Variants in ZNF420 observed in about 807,000 individuals in gnomAD.
The protein encoded by ZNF420 is ATM and p53-associated KZNF protein.
A neutral mutation model predicts 44.7 loss-of-function variants in ZNF420; 31 were observed. The ratio of observed to expected loss-of-function variants is 0.69; its 90% CI spans 0.52 to 0.94. The LOEUF is 0.94. ZNF420 is among the 40% of genes least tolerant of loss of function. The pLI is 0.00. For missense variants in ZNF420, 681 were observed against 827.9 expected (o/e 0.82, Z 2.18); for synonymous variants, 245 against 267.4 (o/e 0.92, Z 0.82).
At chr19:37,124,560 A>G (rs778253036) in intron 4 of ZNF420, among the ~76,000 whole-genome samples, 5 of 152,240 alleles carry the variant, frequency 3.3e-5, no homozygotes, top group African/African-American at 7.2e-5. Context: ...CACTCTCAGC[A>G]ACAGTATTTG....
At chr19:37,041,149 C>T (rs752088325) in intron 1 of ZNF420, among the ~76,000 whole-genome samples, 5 of 151,862 alleles carry the variant, frequency 3.3e-5, no homozygotes, top group Non-Finnish European at 7.4e-5. Context: ...CATGGCGAAA[C>T]CCCATCTCTA....
In ZNF420 at chr19:37,116,530, C is replaced by T. The variant is rs552959218; in HGVS notation, c.137-10598C>T. 2.2e-3 allele frequency among the ~76,000 whole-genome samples: 329 copies of T among 152,234 alleles called. 1 individual carries two copies. Among genetic ancestry groups the T allele is most frequent in the Non-Finnish European group, 3.6e-3 (245 of 68,024 alleles). ...GGTCTACAGCTCCCAGCATGAACGACGCAGAAGACGGGTGATTTCTGCATT... is the reference window on the plus strand; with the variant it reads ...GGTCTACAGCTCCCAGCATGAACGATGCAGAAGACGGGTGATTTCTGCATT... On this transcript the variant is annotated intron_variant, in intron 4 of 4. Transcript: ENST00000337995.
chr19:37,070,512 A>G (rs1291871450), intron 1 of ZNF420, among the ~76,000 whole-genome samples: 1 of 152,256 alleles, frequency 6.6e-6, no homozygotes, highest in Non-Finnish European at 1.5e-5. Context: ...TTCAACACAT[A>G]TAGTTGATAC....
intron 1 of ZNF420, among the ~76,000 whole-genome samples, chr19:37,027,090 A>G (rs565222322): frequency 2.9e-4 from 44 of 152,314 alleles, no homozygotes; most frequent in African/African-American, 8.7e-4. Flanking sequence ...CAACATTTGG[A>G]ATTTACCAAT....
At chr19:37,064,438 C>T (rs1041514041) in intron 1 of ZNF420, among the ~76,000 whole-genome samples, 1 of 152,050 alleles carries the variant, frequency 6.6e-6, no homozygotes, top group African/African-American at 2.4e-5. Context: ...TTAACAGGTT[C>T]CTATCATTCT....
rs1568481681 is a variant in ZNF420 at position 37,127,510 on chromosome 19, GA to G, written c.521del (p.Lys174ArgfsTer177). 6.8e-6 allele frequency: 11 copies of G among 1,613,888 alleles called. No homozygotes were observed. The highest frequency in any genetic ancestry group is 9.3e-6 in the Non-Finnish European group (11 of 1,179,854). On this transcript the variant is annotated frameshift_variant, in exon 5 of 5. Coordinates refer to ENST00000337995, the MANE Select transcript of ZNF420 (RefSeq NM_144689.5). LOFTEE classifies it low-confidence loss of function (END_TRUNC). ...EKPYECKQCG[K>X]AFSRDSQLSL... is the part of the protein sequence containing the mutation. ...AACCCTATGAATGTAAGCAATGCGG[GA>G]AGGCCTTTAGTCGTGATTCACAACT...
upstream of ZNF420, among the ~76,000 whole-genome samples, chr19:37,075,716 C>T (rs945526333): frequency 2.6e-5 from 4 of 151,806 alleles, no homozygotes; most frequent in African/African-American, 7.3e-5. Flanking sequence ...CACTCCAGCC[C>T]GGGCGACAGA....
intron 4 of ZNF420, among the ~76,000 whole-genome samples, chr19:37,117,395 C>T (rs1970756995): frequency 6.6e-6 from 1 of 152,204 alleles, no homozygotes; most frequent in African/African-American, 2.4e-5. Context: ...CTCCAACAGA[C>T]CTGCAGGCGA....
At chr19:37,087,620 G>C (rs2385375) in intron 2 of ZNF420, among the ~76,000 whole-genome samples, 85,027 of 151,982 alleles carry the variant, frequency 0.56, 25,282 homozygotes, top group African/African-American at 0.75. Context: ...GTTAAAGTAA[G>C]TGGGTTGAGG....
intron 1 of ZNF420, among the ~76,000 whole-genome samples, chr19:37,021,936 C>CAAAAAAA (rs60559933): frequency 4.3e-4 from 36 of 84,586 alleles, no homozygotes; most frequent in East Asian, 2.0e-3. Context: ...CAGTCTGTCT[C>CAAAAAAA]AAAAAAAAAA....
At chr19:37,088,335 T>A (rs1007159741) in intron 2 of ZNF420, among the ~76,000 whole-genome samples, 1 of 152,244 alleles carries the variant, frequency 6.6e-6, no homozygotes, top group Non-Finnish European at 1.5e-5. Context: ...TTGCTGAATT[T>A]ATCTACTTTC....
chr19:37,106,888 A>G (rs1322177263), intron 4 of ZNF420: 1 of 152,078 alleles, frequency 6.6e-6, no homozygotes, highest in Non-Finnish European at 1.5e-5. Flanking sequence ...AAACATGTAA[A>G]CAAAAGTCTC....
At chr19:37,087,303 AAAT>A (rs1330902033) in intron 2 of ZNF420, among the ~76,000 whole-genome samples, 1 of 128,624 alleles carries the variant, frequency 7.8e-6, no homozygotes, top group Non-Finnish European at 1.6e-5. Context: ...ATAAATAAAT[AAAT>A]AAATAAATAA....
intron 1 of ZNF420, among the ~76,000 whole-genome samples, chr19:37,034,200 G>A (rs1967313602): frequency 6.6e-6 from 1 of 151,794 alleles, no homozygotes; most frequent in African/African-American, 2.4e-5. Flanking sequence ...TTTTTTTGAT[G>A]ATTGACATCC....
chr19:37,021,674 C>T (rs1458737047), intron 1 of ZNF420, among the ~76,000 whole-genome samples: 8 of 151,978 alleles, frequency 5.3e-5, no homozygotes, highest in Non-Finnish European at 4.4e-5. Flanking sequence ...AGCAGTGGCT[C>T]ACACCTGTAA....
intron 4 of ZNF420, among the ~76,000 whole-genome samples, chr19:37,099,918 C>T (rs901996055): frequency 4.6e-5 from 7 of 152,298 alleles, no homozygotes; most frequent in Middle Eastern, 3.4e-3. Context: ...CCACCATGCC[C>T]AGGCTGTAGG....
intron 4 of ZNF420, among the ~76,000 whole-genome samples, chr19:37,108,077 A>G (rs1045638731): frequency 6.6e-6 from 1 of 152,078 alleles, no homozygotes; most frequent in Non-Finnish European, 1.5e-5. Flanking sequence ...CATTAATTTG[A>G]TTTGCCAATT....
In ZNF420 at chr19:37,130,124, C is replaced by T. The variant is rs867532542; in HGVS notation, c.*1066C>T. ...ATTTTTCCTGTCTTTTTTTCCGTGC[C>T]TACAATGTGGACATCTAAGCTGGAG... On this transcript the variant is annotated 3_prime_UTR_variant, in exon 5 of 5. Transcript: ENST00000337995. 13 of 1,549,900 alleles carry T rather than the reference C, an allele frequency of 8.4e-6. No individual in the cohort carries two copies. Among genetic ancestry groups the T allele is most frequent in the Middle Eastern group, 1.7e-4 (1 of 6,012 alleles).
Position 37,128,811 on chromosome 19 carries a change from G to A in ZNF420, c.1820G>A (p.Arg607Lys). 1 of 1,613,818 alleles carries A rather than the reference G, an allele frequency of 6.2e-7. No individual in the cohort carries two copies. Among genetic ancestry groups the A allele is most frequent in the Non-Finnish European group, 8.5e-7 (1 of 1,179,972 alleles). Residue 607 changes from arginine (R) to lysine (K), a missense_variant, in exon 5 of 5, where the codon AGA (arginine) becomes AAA (lysine). Physicochemically the swap from Arg to Lys is conservative, Grantham distance 26. Transcript: ENST00000337995. The stretch of plus-strand genomic sequence containing the variant: ...GGCTCTCAGCTTACTCTACATCAGA[G>A]AATCCATACTGGTGAGAAGCCCTAT... ...SHGSQLTLHQRIHTGEKPYEC... is the reference protein window; with the variant it reads ...SHGSQLTLHQKIHTGEKPYEC...
Sources: gnomAD v4.1 joint callset for allele counts (sites outside exome capture counted in the v4.1 genomes callset) on GRCh38, gnomAD v4.1.1 for gene constraint, MANE v1.5 for transcripts, NCBI Gene and HGNC (gene_info 2026-07-23, HGNC 2026-07-21) for gene names.